The following PRICKLE2 variants were observed in gnomAD, a reference collection of about 807,000 sequenced individuals.
PRICKLE2 encodes prickle planar cell polarity protein 2, also known as prickle-like protein 2.
Under a neutral mutation model 81.4 loss-of-function variants are expected in PRICKLE2, and 21 were observed. The ratio of observed to expected loss-of-function variants is 0.26; its 90% CI spans 0.18 to 0.37. The LOEUF (loss-of-function observed/expected upper bound fraction) is 0.37. Ranked by LOEUF, PRICKLE2 falls within the 10% of genes least tolerant of loss-of-function variation. The pLI is 1.00. For missense variants in PRICKLE2, 940 were observed against 1,109.0 expected, an observed-to-expected ratio of 0.85 and a Z score of 2.16; for synonymous variants, 456 against 421.5, an observed-to-expected ratio of 1.08 and a Z score of -1.00.
At chr3:64,186,445 C>A (rs377582980) in intron 2 of PRICKLE2, among the ~76,000 whole-genome samples, 134 of 152,298 alleles carry the variant, frequency 8.8e-4, no homozygotes, top group African/African-American at 3.1e-3. Flanking sequence ...CACTTATGAG[C>A]CCAGAAGGAT....
At chr3:64,202,631 T>C (rs1232725554) in intron 1 of PRICKLE2, among the ~76,000 whole-genome samples, 1 of 132,270 alleles carries the variant, frequency 7.6e-6, no homozygotes, top group African/African-American at 2.8e-5. Flanking sequence ...TGTATTAGTT[T>C]AGGTACTTGT....
chr3:64,220,254 T>C (rs981396231), intron 1 of PRICKLE2, among the ~76,000 whole-genome samples: 3 of 152,184 alleles, frequency 2.0e-5, no homozygotes, highest in Non-Finnish European at 4.4e-5. Context: ...CCAGTTGAAA[T>C]GAAATGCTAA....
intron 1 of PRICKLE2, among the ~76,000 whole-genome samples, chr3:64,209,710 A>C (rs879758637): frequency 2.6e-5 from 4 of 152,264 alleles, no homozygotes; most frequent in African/African-American, 4.8e-5. Context: ...CACGACAGTC[A>C]TTAAGACAGA....
chr3:64,202,196 T>C (rs560876815), intron 1 of PRICKLE2, among the ~76,000 whole-genome samples: 5 of 152,366 alleles, frequency 3.3e-5, no homozygotes, highest in South Asian at 2.1e-4. Flanking sequence ...TGTTCTTCTC[T>C]TAAAAAACTG....
intron 7 of PRICKLE2, among the ~76,000 whole-genome samples, chr3:64,144,121 T>C (rs891222367): frequency 6.6e-5 from 10 of 152,188 alleles, no homozygotes; most frequent in Non-Finnish European, 1.5e-4. Flanking sequence ...AGTGTTGAAA[T>C]AGATTTCATA....
intron 7 of PRICKLE2, among the ~76,000 whole-genome samples, chr3:64,135,210 G>T (rs968852155): frequency 2.4e-4 from 36 of 152,270 alleles, no homozygotes; most frequent in African/African-American, 7.9e-4. Context: ...TTATTCCAAG[G>T]AAAGACTCAG....
At chr3:64,245,489 GA>G (rs1420364067) in intron 2 of PRICKLE2, among the ~76,000 whole-genome samples, 2 of 152,126 alleles carry the variant, frequency 1.3e-5, no homozygotes, top group Non-Finnish European at 2.9e-5. Flanking sequence ...CTTCTGTTTG[GA>G]ATCAGTGTCC....
At chr3:64,246,744 A>G (rs961619214) in intron 2 of PRICKLE2, among the ~76,000 whole-genome samples, 3 of 152,262 alleles carry the variant, frequency 2.0e-5, no homozygotes, top group Non-Finnish European at 4.4e-5. Context: ...ATGCTTAAGC[A>G]TGAAAGGCTA....
At chr3:64,196,958 A>T (rs901549890) in intron 2 of PRICKLE2, among the ~76,000 whole-genome samples, 2 of 152,216 alleles carry the variant, frequency 1.3e-5, no homozygotes, top group African/African-American at 4.8e-5. Flanking sequence ...ATTAGTAGCT[A>T]ATTAAATTTT....
intron 2 of PRICKLE2, among the ~76,000 whole-genome samples, chr3:64,191,226 C>T (rs1398618288): frequency 6.6e-6 from 1 of 152,234 alleles, no homozygotes; most frequent in Non-Finnish European, 1.5e-5. Flanking sequence ...TCCATCTCCA[C>T]GTAACCTCCC....
chr3:64,243,639 G>A (rs763885032), intron 2 of PRICKLE2, among the ~76,000 whole-genome samples: 1 of 152,180 alleles, frequency 6.6e-6, no homozygotes, highest in South Asian at 2.1e-4. Flanking sequence ...ACAGATAATA[G>A]TATTCTGAGG....
intron 7 of PRICKLE2, among the ~76,000 whole-genome samples, chr3:64,133,426 T>G (rs1171541133): frequency 6.6e-6 from 1 of 152,168 alleles, no homozygotes; most frequent in Non-Finnish European, 1.5e-5. Flanking sequence ...CAGGAGCTGA[T>G]AATGATCTCA....
At chr3:64,162,246 G>A (rs903390818) in intron 3 of PRICKLE2, among the ~76,000 whole-genome samples, 10 of 152,062 alleles carry the variant, frequency 6.6e-5, no homozygotes, top group African/African-American at 2.2e-4. Context: ...TGCAGTCAGA[G>A]TCAAGTAGAC....
chr3:64,185,716 TG>T (rs1189587440), intron 2 of PRICKLE2, among the ~76,000 whole-genome samples: 2 of 152,356 alleles, frequency 1.3e-5, no homozygotes, highest in East Asian at 1.9e-4. Context: ...ACCATTGGCA[TG>T]GGAGGAAGCT....
chr3:64,267,980 G>C (rs921333982), intron 2 of PRICKLE2: 1 of 152,304 alleles, frequency 6.6e-6, no homozygotes, highest in Non-Finnish European at 1.5e-5. Context: ...AAAGGGGGTT[G>C]GAGACCCAGG....
chr3:64,144,589 G>T (rs1249009541), intron 7 of PRICKLE2, among the ~76,000 whole-genome samples: 2 of 152,218 alleles, frequency 1.3e-5, no homozygotes, highest in Non-Finnish European at 2.9e-5. Flanking sequence ...TTGCTGTAAG[G>T]GGCAGACGTA....
chr3:64,164,102 G>A (rs1232687845), intron 2 of PRICKLE2, among the ~76,000 whole-genome samples: 2 of 152,248 alleles, frequency 1.3e-5, no homozygotes, highest in South Asian at 2.1e-4. Context: ...GCCAGGCATG[G>A]TGGCTCACAC....
At chr3:64,223,515 G>A (rs2078986642) in intron 1 of PRICKLE2, among the ~76,000 whole-genome samples, 1 of 151,988 alleles carries the variant, frequency 6.6e-6, no homozygotes, top group African/African-American at 2.4e-5. Context: ...CATTTCATGG[G>A]TAAATCTTTA....
chr3:64,180,135 G>C (rs1708692765), intron 2 of PRICKLE2, among the ~76,000 whole-genome samples: 1 of 152,168 alleles, frequency 6.6e-6, no homozygotes, highest in Non-Finnish European at 1.5e-5. Flanking sequence ...ATGTGCGTAT[G>C]TTATATAATG....
Sources: gnomAD v4.1 joint callset for allele counts (sites outside exome capture counted in the v4.1 genomes callset) on GRCh38, gnomAD v4.1.1 for gene constraint, MANE v1.5 for transcripts, NCBI Gene and HGNC (gene_info 2026-07-23, HGNC 2026-07-21) for gene names.